The following XKR9 variants were observed in gnomAD, a reference collection of about 807,000 sequenced individuals.
The protein encoded by XKR9 is XK related 9, also known as XK-related protein 9.
In XKR9, 32 loss-of-function variants were observed where a neutral mutation model predicts 32.0. The observed-to-expected ratio is 1.00, with a 90% CI of 0.76 to 1.34. The LOEUF is 1.34. XKR9 is among the 40% of genes most tolerant of loss of function. XKR9 has a pLI of 0.00. For missense variants in XKR9, 546 were observed against 429.7 expected (o/e 1.27, Z -2.39); for synonymous variants, 168 against 143.4 (o/e 1.17, Z -1.22).
chr8:70,733,950 G>A lies in XKR9; in HGVS notation c.648G>A (p.Trp216Ter), dbSNP rs114541127. The A allele has an allele frequency of 1.5e-5, 24 of 1,612,600 alleles. No homozygotes were observed. The highest frequency in any genetic ancestry group is 5.0e-5 in the Admixed American group (3 of 59,860). Reference sequence around the variant, plus strand: ...ACAAGTTGTTTACATTATTATCGTGGATGCTGAGTGTTGTACTTCTACTAT... The same window carrying A: ...ACAAGTTGTTTACATTATTATCGTGAATGCTGAGTGTTGTACTTCTACTAT... Reference protein sequence around the residue: ...LFYKLFTLLSWMLSVVLLLFL... With the variant: ...LFYKLFTLLS Residue 216 changes from tryptophan to a stop codon, truncating the protein, a stop_gained, in exon 5 of 5, where the codon TGG (tryptophan) becomes TGA (stop). Coordinates refer to ENST00000408926, the MANE Select transcript of XKR9 (RefSeq NM_001011720.2). LOFTEE classifies it high-confidence loss of function.
At chr8:70,788,721 C>T (rs1211164686) in intron 2 of XKR9, among the ~76,000 whole-genome samples, 1 of 151,972 alleles carries the variant, frequency 6.6e-6, no homozygotes, top group Non-Finnish European at 1.5e-5. Flanking sequence ...AGTTGCCTAA[C>T]CTGCTAGTGG....
chr8:71,035,331 T>C, the XKR9 span, among the ~76,000 whole-genome samples: 3 of 152,206 alleles, frequency 2.0e-5, no homozygotes, highest in Non-Finnish European at 2.9e-5. Context: ...CTAACCTCAT[T>C]GTTCTCTACT....
the XKR9 span, among the ~76,000 whole-genome samples, chr8:71,036,086 T>C: frequency 6.6e-6 from 1 of 152,166 alleles, no homozygotes; most frequent in Non-Finnish European, 1.5e-5. Flanking sequence ...TCCTGTTTTA[T>C]GGGTCTTCAT....
chr8:70,739,955 C>T (rs1226806016), downstream of XKR9, among the ~76,000 whole-genome samples: 11 of 152,232 alleles, frequency 7.2e-5, no homozygotes, highest in East Asian at 1.5e-3. Context: ...CTTGGAGTTG[C>T]TCTTCTTGAG....
the XKR9 span, among the ~76,000 whole-genome samples, chr8:70,908,222 T>G: frequency 4.6e-5 from 7 of 152,188 alleles, no homozygotes; most frequent in Admixed American, 4.6e-4. Flanking sequence ...CTGACTATCA[T>G]TAATGTACCA....
At chr8:70,917,444 T>C in the XKR9 span, among the ~76,000 whole-genome samples, 1 of 152,206 alleles carries the variant, frequency 6.6e-6, no homozygotes. Flanking sequence ...AGCATATTAA[T>C]GGTTCCCAAC....
At chr8:70,674,084 G>T (rs1818807383) in intron 1 of XKR9, among the ~76,000 whole-genome samples, 1 of 151,676 alleles carries the variant, frequency 6.6e-6, no homozygotes, top group African/African-American at 2.4e-5. Flanking sequence ...CTGGAGGAGT[G>T]CTTGAGCCCA....
the XKR9 span, among the ~76,000 whole-genome samples, chr8:71,061,325 C>T: frequency 3.9e-5 from 6 of 152,058 alleles, no homozygotes; most frequent in African/African-American, 9.7e-5. Context: ...TACGGGCCTT[C>T]GGACATTACT....
chr8:70,722,125 A>AT lies in XKR9; in HGVS notation c.494-11659dup, dbSNP rs879366189. Reference sequence around the variant, plus strand: ...TCAGAGACTAGCATTGCAACCCCTGATTTTTTTTTTTTGCTTTCCATTTGC... The same window carrying AT: ...TCAGAGACTAGCATTGCAACCCCTGATTTTTTTTTTTTTGCTTTCCATTTGC... On this transcript the variant is annotated intron_variant, in intron 4 of 4. Coordinates refer to ENST00000408926, the MANE Select transcript of XKR9 (RefSeq NM_001011720.2). 5.3e-3 allele frequency among the ~76,000 whole-genome samples: 749 copies of AT among 142,522 alleles called. 7 individuals are homozygous for AT. The highest frequency in any genetic ancestry group is 0.014 in the African/African-American group (533 of 39,004). The allele number at this position is 142,522 out of a possible 152,430, so 93.5% of individuals were successfully genotyped here.
At chr8:70,897,052 G>A in the XKR9 span, among the ~76,000 whole-genome samples, 2 of 151,838 alleles carry the variant, frequency 1.3e-5, no homozygotes, top group Non-Finnish European at 1.5e-5. Flanking sequence ...TTCCCAGCCT[G>A]TTCTACCCAT....
chr8:70,996,006 T>TG, the XKR9 span, among the ~76,000 whole-genome samples: 1 of 73,118 alleles, frequency 1.4e-5, no homozygotes, highest in Non-Finnish European at 4.6e-5. Context: ...CTACCTTCTA[T>TG]TGTATGTATT....
intron 4 of XKR9, among the ~76,000 whole-genome samples, chr8:70,730,009 T>C (rs1351123928): frequency 2.0e-5 from 3 of 152,182 alleles, no homozygotes; most frequent in Non-Finnish European, 4.4e-5. Flanking sequence ...TATCACAAAA[T>C]AGGATCACAG....
chr8:70,792,619 A>C (rs989921735), downstream of XKR9, among the ~76,000 whole-genome samples: 5 of 152,134 alleles, frequency 3.3e-5, no homozygotes, highest in African/African-American at 1.2e-4. Flanking sequence ...GGCTTTAAGG[A>C]GCCTGACAAG....
chr8:70,822,622 T>A, the XKR9 span, among the ~76,000 whole-genome samples: 3 of 151,400 alleles, frequency 2.0e-5, no homozygotes, highest in Non-Finnish European at 4.4e-5. Flanking sequence ...AGTGGGGATA[T>A]CAGTTAGATA....
At chr8:70,759,995 T>G (rs1248993569) in intron 2 of XKR9, among the ~76,000 whole-genome samples, 1 of 152,230 alleles carries the variant, frequency 6.6e-6, no homozygotes, top group Admixed American at 6.5e-5. Flanking sequence ...CTAACTTGTC[T>G]GTTTTGAGCA....
the XKR9 span, among the ~76,000 whole-genome samples, chr8:70,808,869 G>A: frequency 6.6e-6 from 1 of 152,222 alleles, no homozygotes; most frequent in Non-Finnish European, 1.5e-5. Context: ...ACCACTGGGG[G>A]CAGGGCATAG....
At chr8:70,831,670 T>G in the XKR9 span, among the ~76,000 whole-genome samples, 1 of 152,330 alleles carries the variant, frequency 6.6e-6, no homozygotes, top group East Asian at 1.9e-4. Context: ...TCTATAATTT[T>G]TATGAAACTT....
intron 4 of XKR9, among the ~76,000 whole-genome samples, chr8:70,714,433 T>C (rs1003002811): frequency 9.3e-5 from 14 of 151,112 alleles, no homozygotes; most frequent in African/African-American, 3.2e-4. Flanking sequence ...TCTCTAAATT[T>C]GTGGCTTTGT....
chr8:70,977,493 C>G, the XKR9 span, among the ~76,000 whole-genome samples: 1 of 151,694 alleles, frequency 6.6e-6, no homozygotes, highest in Admixed American at 6.6e-5. Flanking sequence ...TCGTTATTTA[C>G]CCAGCAGTCA....
Sources: gnomAD v4.1 joint callset for allele counts (sites outside exome capture counted in the v4.1 genomes callset) on GRCh38, gnomAD v4.1.1 for gene constraint, MANE v1.5 for transcripts, NCBI Gene and HGNC (gene_info 2026-07-23, HGNC 2026-07-21) for gene names.